Variants in SMYD3 observed in about 807,000 individuals in gnomAD.
SMYD3 encodes the protein SET and MYND domain containing 3.
SMYD3 carries 36 observed loss-of-function variants against 57.7 expected under a neutral mutation model. The ratio of observed to expected loss-of-function variants is 0.62; its 90% CI spans 0.48 to 0.82. The LOEUF (loss-of-function observed/expected upper bound fraction) is 0.82. Among genes scored for constraint, SMYD3 ranks in the 40% least tolerant of loss-of-function variants. The pLI is 0.00. For missense variants in SMYD3, 515 were observed against 538.8 expected, an observed-to-expected ratio of 0.96 and a Z score of 0.44; for synonymous variants, 211 against 195.0, an observed-to-expected ratio of 1.08 and a Z score of -0.68.
intron 5 of SMYD3, among the ~76,000 whole-genome samples, chr1:246,191,828 G>A (rs929603321): frequency 4.6e-5 from 7 of 152,132 alleles, no homozygotes; most frequent in African/African-American, 1.7e-4. Context: ...CCTGAAGTAT[G>A]GCCACGGACC....
chr1:246,414,294 G>A (rs539761038), intron 1 of SMYD3, among the ~76,000 whole-genome samples: 3 of 152,234 alleles, frequency 2.0e-5, no homozygotes, highest in Admixed American at 2.0e-4. Flanking sequence ...GAAATCAAAA[G>A]AGTCATTTTT....
In SMYD3 at chr1:245,842,780, C is replaced by T. The variant is rs139072847; in HGVS notation, c.1076+15716G>A. ...CTGGAGTGCAGTGGTACAATCAAAG[C>T]TAACTGTTACCTCGAACTCCTGGGG... On this transcript the variant is annotated intron_variant, in intron 10 of 11. Coordinates refer to ENST00000490107, the MANE Select transcript of SMYD3 (RefSeq NM_001167740.2). 1.1e-3 allele frequency among the ~76,000 whole-genome samples: 165 copies of T among 152,174 alleles called. 1 individual carries two copies. The East Asian group carries it at 0.028, about 26-fold the overall frequency.
chr1:246,053,245 T>C (rs1430899852), intron 5 of SMYD3, among the ~76,000 whole-genome samples: 24 of 152,098 alleles, frequency 1.6e-4, no homozygotes. Flanking sequence ...CGATTCAATA[T>C]TAAGATGTCA....
At chr1:246,031,681 G>C (rs979902631) in intron 5 of SMYD3, among the ~76,000 whole-genome samples, 2 of 151,270 alleles carry the variant, frequency 1.3e-5, no homozygotes, top group East Asian at 3.9e-4. Flanking sequence ...AGGATGCAGT[G>C]AGCAGAGATC....
At chr1:246,328,771 T>A (rs1414905364) in intron 4 of SMYD3, among the ~76,000 whole-genome samples, 1 of 152,102 alleles carries the variant, frequency 6.6e-6, no homozygotes, top group East Asian at 1.9e-4. Flanking sequence ...ACATGTGCCA[T>A]GCTGGTGTGC....
intron 10 of SMYD3, among the ~76,000 whole-genome samples, chr1:245,771,005 A>G (rs937772642): frequency 2.0e-5 from 3 of 152,070 alleles, no homozygotes; most frequent in African/African-American, 4.8e-5. Context: ...CTGGAATCTC[A>G]AATGAGAGAA....
At chr1:246,161,975 C>T (rs139849878) in intron 5 of SMYD3, among the ~76,000 whole-genome samples, 96 of 152,238 alleles carry the variant, frequency 6.3e-4, no homozygotes, top group African/African-American at 2.2e-3. Flanking sequence ...AGCCTGGGTG[C>T]AAGCTTGGAG....
intron 1 of SMYD3, among the ~76,000 whole-genome samples, chr1:246,369,671 T>C (rs574371082): frequency 7.2e-4 from 110 of 152,104 alleles, no homozygotes; most frequent in Middle Eastern, 3.4e-3. Context: ...GGACCACAGG[T>C]GCATGCCACT....
chr1:246,008,738 C>A (rs564575826), intron 5 of SMYD3, among the ~76,000 whole-genome samples: 3 of 152,086 alleles, frequency 2.0e-5, no homozygotes, highest in Admixed American at 6.6e-5. Flanking sequence ...GCAATTTTCT[C>A]GGTTTCGTTT....
chr1:246,459,033 G>T (rs943995522), intron 1 of SMYD3, among the ~76,000 whole-genome samples: 1 of 152,074 alleles, frequency 6.6e-6, no homozygotes, highest in Non-Finnish European at 1.5e-5. Context: ...TGTAATCCCC[G>T]TGTGTTGAAG....
intron 5 of SMYD3, among the ~76,000 whole-genome samples, chr1:246,253,816 C>A (rs931071559): frequency 2.2e-4 from 34 of 152,146 alleles, no homozygotes; most frequent in African/African-American, 8.2e-4. Context: ...GAACATGCAA[C>A]TATATGTCTT....
intron 1 of SMYD3, among the ~76,000 whole-genome samples, chr1:246,502,994 C>T (rs2068480393): frequency 6.6e-6 from 1 of 152,136 alleles, no homozygotes; most frequent in Non-Finnish European, 1.5e-5. Context: ...TGCTATAGGC[C>T]CGTGTTGGCC....
chr1:246,308,424 C>T (rs1053432506), intron 5 of SMYD3, among the ~76,000 whole-genome samples: 2 of 151,926 alleles, frequency 1.3e-5, no homozygotes, highest in African/African-American at 4.8e-5. Context: ...CAAGTCAAAC[C>T]AATTTTCCCC....
At chr1:245,760,377 C>T (rs2045794274) in intron 11 of SMYD3, among the ~76,000 whole-genome samples, 2 of 152,212 alleles carry the variant, frequency 1.3e-5, no homozygotes, top group South Asian at 4.1e-4. Flanking sequence ...CCAGGTTACC[C>T]GAGTCCTGAG....
At chr1:245,793,274 A>G (rs566653459) in intron 10 of SMYD3, among the ~76,000 whole-genome samples, 15 of 151,492 alleles carry the variant, frequency 9.9e-5, no homozygotes, top group South Asian at 4.2e-4. Flanking sequence ...GTGCCACTGC[A>G]CTCCAGCTTG....
intron 5 of SMYD3, among the ~76,000 whole-genome samples, chr1:246,287,284 T>A (rs1027675386): frequency 8.5e-5 from 13 of 152,210 alleles, no homozygotes; most frequent in African/African-American, 3.1e-4. Context: ...TATTTTCTAA[T>A]ATATATAGTT....
At chr1:246,281,987 GTCA>G (rs2148572996) in intron 5 of SMYD3, among the ~76,000 whole-genome samples, 1 of 152,212 alleles carries the variant, frequency 6.6e-6, no homozygotes, top group Admixed American at 6.5e-5. Context: ...GAGGTAGAAT[GTCA>G]TTAAATTCCT....
chr1:245,983,464 C>T (rs781526066), intron 5 of SMYD3, among the ~76,000 whole-genome samples: 137 of 152,306 alleles, frequency 9.0e-4, no homozygotes, highest in African/African-American at 2.8e-3. Flanking sequence ...AAGTCCAGCA[C>T]GTGGCCCCCT....
intron 5 of SMYD3, among the ~76,000 whole-genome samples, chr1:246,249,905 T>C (rs1201963382): frequency 1.3e-5 from 2 of 152,228 alleles, no homozygotes; most frequent in Non-Finnish European, 2.9e-5. Flanking sequence ...TCTCTTTTCT[T>C]CTAAGAGCAG....
Sources: gnomAD v4.1 joint callset for allele counts (sites outside exome capture counted in the v4.1 genomes callset) on GRCh38, gnomAD v4.1.1 for gene constraint, MANE v1.5 for transcripts, NCBI Gene and HGNC (gene_info 2026-07-23, HGNC 2026-07-21) for gene names.